MALRD1: variants seen among roughly 807,000 people sequenced by gnomAD.
The protein encoded by MALRD1 is MAM and LDL receptor class A domain containing 1, also known as MAM and LDL-receptor class A domain-containing protein 1.
Under a neutral mutation model 242.1 loss-of-function variants are expected in MALRD1, and 247 were observed. The observed-to-expected ratio is 1.02, with a 90% CI of 0.92 to 1.13. The LOEUF (loss-of-function observed/expected upper bound fraction) is 1.13, where lower values mean the gene tolerates loss of function less well. Ranked by LOEUF, MALRD1 falls within the 50% of genes most tolerant of loss-of-function variation. The probability of loss-of-function intolerance (pLI) is 0.00; values close to 1 mark genes in which losing one functional copy is unlikely to be tolerated. For synonymous variants in MALRD1, 995 were observed against 866.6 expected, an observed-to-expected ratio of 1.15 and a Z score of -2.60; for missense variants, 2,989 against 2,533.1, an observed-to-expected ratio of 1.18 and a Z score of -3.86.
Position 19,730,765 on chromosome 10 carries a change from A to G in MALRD1, c.6374A>G (p.Asn2125Ser), listed in dbSNP as rs941281677. 24 of 1,536,552 alleles carry G rather than the reference A, an allele frequency of 1.6e-5. No individual in the cohort carries two copies. The African/African-American group carries it at 3.3e-4, about 21-fold the overall frequency. ...AATCCAGTTTACGGGAACTGGAGCA[A>G]CCCAGAGAAAACAGAGGTAAGTGGC... ...FVNPVYGNWSNPEKTESSVYS... is the reference protein window; with the variant it reads ...FVNPVYGNWSSPEKTESSVYS... Residue 2125 changes from asparagine (N) to serine (S), a missense_variant, in exon 39 of 40, where the codon AAC (asparagine) becomes AGC (serine). Coordinates refer to ENST00000454679, the MANE Select transcript of MALRD1 (RefSeq NM_001142308.3).
At chr10:19,539,900 G>GCGCGCA (rs1834879494) in intron 32 of MALRD1, among the ~76,000 whole-genome samples, 1 of 51,106 alleles carries the variant, frequency 2.0e-5, no homozygotes, top group African/African-American at 6.6e-5. Flanking sequence ...GTGTGTGTGC[G>GCGCGCA]CGCGCGCGTG....
At chr10:19,211,688 A>AC (rs1407545370) in intron 18 of MALRD1, among the ~76,000 whole-genome samples, 20 of 4,678 alleles carry the variant, frequency 4.3e-3, no homozygotes, top group African/African-American at 0.028. Flanking sequence ...TCCTCACAAA[A>AC]AAAAAAAAAA....
At chr10:19,533,565 C>A (rs185900071) in intron 32 of MALRD1, among the ~76,000 whole-genome samples, 1 of 152,288 alleles carries the variant, frequency 6.6e-6, no homozygotes, top group Admixed American at 6.5e-5. Flanking sequence ...CACTGGGCAT[C>A]TGCTCAGCTT....
chr10:19,203,213 A>G (rs1418592803), intron 14 of MALRD1, among the ~76,000 whole-genome samples: 1 of 152,098 alleles, frequency 6.6e-6, no homozygotes, highest in African/African-American at 2.4e-5. Flanking sequence ...TTCTGCACCA[A>G]TTAGGCAATG....
At position 19,610,630 on chromosome 10, in the gene MALRD1, T is replaced by A. The variant is rs73595861; in HGVS notation, c.6070+2728T>A. Among the ~76,000 whole-genome samples the A allele has an allele frequency of 2.9e-3, 444 of 152,162 alleles. 4 individuals carry two copies. The highest frequency in any genetic ancestry group is 0.01 in the African/African-American group (422 of 41,558). ...GGACAGTACATAAATGCCACATGATTCAAAGGGGTTTGTATGCCCACAGCA... is the reference window on the plus strand; with the variant it reads ...GGACAGTACATAAATGCCACATGATACAAAGGGGTTTGTATGCCCACAGCA... On this transcript the variant is annotated intron_variant, in intron 35 of 39. Coordinates refer to ENST00000454679, the MANE Select transcript of MALRD1 (RefSeq NM_001142308.3).
intron 1 of MALRD1, among the ~76,000 whole-genome samples, chr10:19,053,691 G>A (rs1473659702): frequency 2.0e-5 from 3 of 151,614 alleles, no homozygotes; most frequent in Admixed American, 6.6e-5. Flanking sequence ...TTTTTCTTGG[G>A]GAAAACCTTA....
At chr10:19,105,431 T>C (rs949237901) in intron 5 of MALRD1, among the ~76,000 whole-genome samples, 1 of 152,172 alleles carries the variant, frequency 6.6e-6, no homozygotes, top group Non-Finnish European at 1.5e-5. Flanking sequence ...GACACTTAGG[T>C]TGATTTCATA....
intron 29 of MALRD1, chr10:19,491,285 T>A: frequency 4.2e-6 from 3 of 712,110 alleles, no homozygotes; most frequent in Non-Finnish European, 6.9e-6. Flanking sequence ...GCAAGGAGAT[T>A]TTCAGCACCA....
chr10:19,553,846 C>A (rs915257448), intron 32 of MALRD1, among the ~76,000 whole-genome samples: 1 of 152,180 alleles, frequency 6.6e-6, no homozygotes, highest in Non-Finnish European at 1.5e-5. Context: ...GTCCCTTATT[C>A]TCTCTCGTCT....
chr10:19,047,427 G>A (rs1029808345), upstream of MALRD1, among the ~76,000 whole-genome samples: 2 of 151,786 alleles, frequency 1.3e-5, no homozygotes, highest in Non-Finnish European at 2.9e-5. Context: ...GATTGTAGAA[G>A]AGATTGAGGA....
chr10:19,561,014 T>A (rs1835939589), intron 32 of MALRD1, among the ~76,000 whole-genome samples: 1 of 152,160 alleles, frequency 6.6e-6, no homozygotes, highest in Non-Finnish European at 1.5e-5. Context: ...TGACTATGCA[T>A]AATTAAAAAT....
intron 18 of MALRD1, among the ~76,000 whole-genome samples, chr10:19,223,915 A>G (rs561317098): frequency 6.6e-6 from 1 of 152,196 alleles, no homozygotes; most frequent in Non-Finnish European, 1.5e-5. Context: ...TCCACGGTGT[A>G]TATGTGCCAC....
At chr10:19,370,803 C>T (rs927208899) in intron 26 of MALRD1, among the ~76,000 whole-genome samples, 1 of 152,118 alleles carries the variant, frequency 6.6e-6, no homozygotes, top group South Asian at 2.1e-4. Flanking sequence ...ACTCAAACTC[C>T]TGACCTCAAG....
Position 19,504,664 on chromosome 10 carries a change from A to ATTTTTTTTT in MALRD1, c.5320+6039_5320+6047dup, listed in dbSNP as rs759213931. The stretch of plus-strand genomic sequence containing the variant: ...ACATATAATGACTATATTGTAACAC[A>ATTTTTTTTT]TTTTTTTTTTTTTTTTTTTTTTTTT... On this transcript the variant is annotated intron_variant, in intron 31 of 39. Transcript: ENST00000454679. 3.8e-3 allele frequency among the ~76,000 whole-genome samples: 368 copies of ATTTTTTTTT among 97,576 alleles called. 18 individuals are homozygous for ATTTTTTTTT. Among genetic ancestry groups the ATTTTTTTTT allele is most frequent in the African/African-American group, 0.016 (351 of 21,812 alleles). 64.0% of individuals were successfully genotyped at this position (97,576 alleles called of 152,430 possible). A position where few individuals can be genotyped will look rare whatever the true frequency, so the allele number is the denominator to read the frequency against.
At chr10:19,133,784 T>A (rs1397834978) in intron 8 of MALRD1, 72 bp from the exon 9 acceptor site, 4 of 606,746 alleles carry the variant, frequency 6.6e-6, no homozygotes, top group Non-Finnish European at 9.6e-6. Context: ...ACAGTGTAAT[T>A]AAAAGAGCAT....
intron 18 of MALRD1, among the ~76,000 whole-genome samples, chr10:19,253,039 T>C (rs1030561140): frequency 1.3e-5 from 2 of 152,054 alleles, no homozygotes; most frequent in Non-Finnish European, 2.9e-5. Context: ...GTTGTCTGAA[T>C]GCGTTTATAA....
At chr10:19,075,782 G>C (rs547457285) in intron 2 of MALRD1, among the ~76,000 whole-genome samples, 1 of 152,212 alleles carries the variant, frequency 6.6e-6, no homozygotes, top group East Asian at 1.9e-4. Flanking sequence ...CTGACTTACA[G>C]AAGCTGTGAG....
At chr10:19,156,814 T>C (rs1277773683) in intron 12 of MALRD1, among the ~76,000 whole-genome samples, 1 of 152,164 alleles carries the variant, frequency 6.6e-6, no homozygotes, top group Non-Finnish European at 1.5e-5. Flanking sequence ...TTGTTTCCAC[T>C]TGAGGACACT....
chr10:19,547,800 ATATATATATATATATATATTTTTTTTTTT>A (rs1282388097), intron 32 of MALRD1, among the ~76,000 whole-genome samples: 1 of 15,034 alleles, frequency 6.7e-5, no homozygotes, highest in African/African-American at 1.5e-4. Flanking sequence ...ATATATATAT[ATATATATATATATATATATTTTTTTTTTT>A]TTTTTTTTTT....
Sources: gnomAD v4.1 joint callset for allele counts (sites outside exome capture counted in the v4.1 genomes callset) on GRCh38, gnomAD v4.1.1 for gene constraint, MANE v1.5 for transcripts, NCBI Gene and HGNC (gene_info 2026-07-23, HGNC 2026-07-21) for gene names.